PROSER2: variants seen among roughly 807,000 people sequenced by gnomAD.
PROSER2 encodes the protein proline and serine rich 2, also known as proline and serine-rich protein 2.
Under a neutral mutation model 14.6 loss-of-function variants are expected in PROSER2, and 18 were observed. The ratio of observed to expected loss-of-function variants is 1.23; its 90% CI spans 0.85 to 1.83. The LOEUF is 1.83. Among genes scored for constraint, PROSER2 ranks in the 40% most tolerant of loss-of-function variants. The probability of loss-of-function intolerance (pLI) is 0.00; values close to 1 mark genes in which losing one functional copy is unlikely to be tolerated. For missense variants in PROSER2, 823 were observed against 629.8 expected (o/e 1.31, Z -3.28); for synonymous variants, 367 against 286.4 (o/e 1.28, Z -2.84).
At chr10:11,849,473 A>T (rs1833980615) in intron 1 of PROSER2, 1 of 152,212 alleles carries the variant, frequency 6.6e-6, no homozygotes. Context: ...TCCTCTCTGG[A>T]AGGGAAGCCT....
intron 3 of PROSER2, among the ~76,000 whole-genome samples, chr10:11,868,001 T>A (rs952894105): frequency 1.3e-5 from 2 of 152,252 alleles, no homozygotes; most frequent in Admixed American, 6.5e-5. Context: ...CACATGTATG[T>A]CTTTCAAGCA....
chr10:11,861,617 C>A (rs1363332020), intron 2 of PROSER2, among the ~76,000 whole-genome samples: 1 of 152,156 alleles, frequency 6.6e-6, no homozygotes, highest in Non-Finnish European at 1.5e-5. Context: ...TGGACTTGAG[C>A]AGGGAGCAAG....
chr10:11,866,478 T>C lies in PROSER2; in HGVS notation c.139-53T>C. The C allele has an allele frequency of 2.5e-6, 4 of 1,597,774 alleles. No individual in the cohort carries two copies. Among genetic ancestry groups the C allele is most frequent in the Non-Finnish European group, 3.4e-6 (4 of 1,170,940 alleles). On this transcript the variant is annotated intron_variant, in intron 2 of 3. Coordinates refer to ENST00000277570, the MANE Select transcript of PROSER2 (RefSeq NM_153256.4). The surrounding 1 kb of genome is among the most constrained non-coding windows in gnomAD (Gnocchi z 6.0). ...AACTTTGCTTCAGCTTTTGTCTCTTTAGTGAAGCCAGTGTTTGTTTTCTCT... is the reference window on the plus strand; with the variant it reads ...AACTTTGCTTCAGCTTTTGTCTCTTCAGTGAAGCCAGTGTTTGTTTTCTCT...
At position 11,847,154 on chromosome 10, in the gene PROSER2, A is replaced by AATAT. The variant is rs200913870; in HGVS notation, c.-81-4816_-81-4813dup. On this transcript the variant is annotated intron_variant, in intron 1 of 3. Coordinates refer to ENST00000277570, the MANE Select transcript of PROSER2 (RefSeq NM_153256.4). Reference sequence around the variant, plus strand: ...AAGAAAAAAAAGAAAAACATAAATAAATATATATATATATATATATATATA... The same window carrying AATAT: ...AAGAAAAAAAAGAAAAACATAAATAAATATATATATATATATATATATATATATA... Among the ~76,000 whole-genome samples, 143 of 88,236 alleles carry AATAT rather than the reference A, an allele frequency of 1.6e-3. 1 individual carries two copies. Among genetic ancestry groups the AATAT allele is most frequent in the Middle Eastern group, 5.6e-3 (1 of 180 alleles). 57.9% of individuals were successfully genotyped at this position (88,236 alleles called of 152,430 possible). A position where few individuals can be genotyped will look rare whatever the true frequency, so the allele number is the denominator to read the frequency against.
At chr10:11,842,816 C>T (rs1403767158) in intron 1 of PROSER2, among the ~76,000 whole-genome samples, 1 of 151,484 alleles carries the variant, frequency 6.6e-6, no homozygotes, top group Non-Finnish European at 1.5e-5. Flanking sequence ...CAGTTTTTCC[C>T]AAATATATGT....
intron 2 of PROSER2, among the ~76,000 whole-genome samples, chr10:11,861,963 C>G (rs1392681778): frequency 6.6e-6 from 1 of 152,238 alleles, no homozygotes; most frequent in African/African-American, 2.4e-5. Flanking sequence ...AGAGCCAGAT[C>G]TGTGCATCTA....
rs571068035 is a variant in PROSER2 at position 11,846,430 on chromosome 10, A to G, written c.-81-5567A>G. ...GGTTTTCACATCTCTCTGTGCTACA[A>G]TCTGGACAAATGATAGGTTTCTTCA... On this transcript the variant is annotated intron_variant, in intron 1 of 3. Coordinates refer to ENST00000277570, the MANE Select transcript of PROSER2 (RefSeq NM_153256.4). Among the ~76,000 whole-genome samples the G allele has an allele frequency of 2.5e-3, 387 of 152,264 alleles. 2 individuals carry two copies. The highest frequency in any genetic ancestry group is 8.7e-3 in the African/African-American group (361 of 41,542).
At chr10:11,852,307 C>CT in intron 2 of PROSER2, 92 bp downstream of exon 2, 1 of 1,363,414 alleles carries the variant, frequency 7.3e-7, no homozygotes, top group East Asian at 2.4e-5. Flanking sequence ...TTTACCAGAT[C>CT]TTTTTGGGTC....
intron 2 of PROSER2, 39 bp downstream of exon 2, chr10:11,852,254 G>GGTCA: frequency 6.4e-7 from 1 of 1,557,844 alleles, no homozygotes; most frequent in Admixed American, 1.9e-5. Flanking sequence ...CCTGTGCCTG[G>GGTCA]GTCAGTGGAT....
intron 1 of PROSER2, among the ~76,000 whole-genome samples, chr10:11,832,540 G>A (rs1833701733): frequency 6.6e-6 from 1 of 152,192 alleles, no homozygotes. Flanking sequence ...CGTGTGTAAT[G>A]TTTATTGGTG....
rs139763102 is a variant in PROSER2 at position 11,836,601 on chromosome 10, G to C, written c.-82+13131G>C. On this transcript the variant is annotated intron_variant, in intron 1 of 3. Coordinates refer to ENST00000277570, the MANE Select transcript of PROSER2 (RefSeq NM_153256.4). This position sits in a 1 kb window ranked among gnomAD's most constrained non-coding sequence, Gnocchi z 4.6. ...GTATGCACGCCGGCCCCTTCCTAGC[G>C]TGTAGGTGTGCACTTTGACCCTGCT... Among the ~76,000 whole-genome samples, 281 of 152,238 alleles carry C rather than the reference G, an allele frequency of 1.8e-3. No individual in the cohort carries two copies. Among genetic ancestry groups the C allele is most frequent in the African/African-American group, 6.5e-3 (268 of 41,548 alleles).
Position 11,823,761 on chromosome 10 carries a change from T to C in PROSER2, c.-82+291T>C, listed in dbSNP as rs1040032878. ...CCGAGTCTGGGGCTATCCTGGGGGC[T>C]CAGGGGTGGAGGCGGGTTTCCCAGC... On this transcript the variant is annotated intron_variant, in intron 1 of 3. Coordinates refer to ENST00000277570, the MANE Select transcript of PROSER2 (RefSeq NM_153256.4). This position sits in a 1 kb window ranked among gnomAD's most constrained non-coding sequence, Gnocchi z 6.2. Among the ~76,000 whole-genome samples the C allele has an allele frequency of 6.6e-6, 1 of 152,026 alleles. No homozygotes were observed. Among genetic ancestry groups the C allele is most frequent in the African/African-American group, 2.4e-5 (1 of 41,374 alleles).
At chr10:11,841,344 C>A (rs1833843263) in intron 1 of PROSER2, among the ~76,000 whole-genome samples, 1 of 152,002 alleles carries the variant, frequency 6.6e-6, no homozygotes, top group Admixed American at 6.6e-5. Flanking sequence ...CCCCTCAGTT[C>A]TGTTGAAAGT....
intron 1 of PROSER2, among the ~76,000 whole-genome samples, chr10:11,844,268 G>A (rs1833894078): frequency 6.6e-6 from 1 of 152,070 alleles, no homozygotes; most frequent in Non-Finnish European, 1.5e-5. Context: ...TGGGATTACA[G>A]GTATGAGCCA....
At chr10:11,867,850 C>A (rs539988654) in intron 3 of PROSER2, among the ~76,000 whole-genome samples, 1 of 152,038 alleles carries the variant, frequency 6.6e-6, no homozygotes, top group Non-Finnish European at 1.5e-5. Context: ...TTTTTTTCCC[C>A]GATTGGAAAG....
chr10:11,847,425 G>A (rs995020322), intron 1 of PROSER2, among the ~76,000 whole-genome samples: 2 of 152,062 alleles, frequency 1.3e-5, no homozygotes, highest in Non-Finnish European at 2.9e-5. Flanking sequence ...TTTTGTTGTT[G>A]TTGTTGTTTT....
intron 1 of PROSER2, among the ~76,000 whole-genome samples, chr10:11,840,539 T>C (rs1833822364): frequency 6.6e-6 from 1 of 152,168 alleles, no homozygotes; most frequent in Non-Finnish European, 1.5e-5. Context: ...TATTTGGGAC[T>C]TTTTGCATCT....
intron 1 of PROSER2, among the ~76,000 whole-genome samples, chr10:11,829,278 A>G (rs1253692185): frequency 6.6e-6 from 1 of 151,712 alleles, no homozygotes; most frequent in Non-Finnish European, 1.5e-5. Context: ...TAGGTTCAAA[A>G]AAAAGTTTTT....
At position 11,830,385 on chromosome 10, in the gene PROSER2, C is replaced by A. The variant is rs552660145; in HGVS notation, c.-82+6915C>A. 5.8e-4 allele frequency among the ~76,000 whole-genome samples: 88 copies of A among 152,260 alleles called. No homozygotes were observed. The highest frequency in any genetic ancestry group is 1.9e-3 in the African/African-American group (79 of 41,558). On this transcript the variant is annotated intron_variant, in intron 1 of 3. Coordinates refer to ENST00000277570, the MANE Select transcript of PROSER2 (RefSeq NM_153256.4). The surrounding 1 kb of genome is among the most constrained non-coding windows in gnomAD (Gnocchi z 4.5). ...GCATTCATTTTTATGGCTGAGTAGT[C>A]GTCCGTGGTGTTTATATACCACATT... is the stretch of plus-strand genomic sequence containing the variant.
Sources: allele counts gnomAD v4.1 joint callset (sites outside exome capture counted in the v4.1 genomes callset), GRCh38; gene constraint gnomAD v4.1.1; non-coding constraint Gnocchi (gnomAD v3.1); transcripts MANE v1.5; gene names NCBI Gene and HGNC (gene_info 2026-07-23, HGNC 2026-07-21).